The following UNC13A variants were observed in gnomAD, a reference collection of about 807,000 sequenced individuals.
UNC13A encodes the protein unc-13 homolog A, also known as protein unc-13 homolog A.
Under a neutral mutation model 219.7 loss-of-function variants are expected in UNC13A, and 61 were observed. The ratio of observed to expected loss-of-function variants is 0.28; its 90% CI spans 0.23 to 0.34. The LOEUF (loss-of-function observed/expected upper bound fraction) is 0.34, where lower values mean the gene tolerates loss of function less well. UNC13A is among the 10% of genes least tolerant of loss of function. The pLI is 1.00. For synonymous variants in UNC13A, 920 were observed against 884.6 expected (o/e 1.04, Z -0.71); for missense variants, 1,476 against 2,270.3 (o/e 0.65, Z 7.11).
At position 17,674,597 on chromosome 19, in the gene UNC13A, G is replaced by T; in HGVS notation, c.152+60C>A. ...CCCAGTGTCCAGCTCTGCCCTGAGG[G>T]GCCAGCGAGGTGCTGGGCTATGCCA... On this transcript the variant is annotated intron_variant, in intron 3 of 43. Transcript: ENST00000519716. This position sits in a 1 kb window ranked among gnomAD's most constrained non-coding sequence, Gnocchi z 5.0. The T allele has an allele frequency of 6.7e-7, 1 of 1,498,124 alleles. No homozygotes were observed. Among genetic ancestry groups the T allele is most frequent in the Non-Finnish European group, 9.3e-7 (1 of 1,079,768 alleles). 92.8% of individuals were successfully genotyped at this position (1,498,124 alleles called of 1,614,324 possible).
At chr19:17,612,715 G>A (rs1025609404) in intron 41 of UNC13A, among the ~76,000 whole-genome samples, 12 of 152,074 alleles carry the variant, frequency 7.9e-5, no homozygotes, top group African/African-American at 2.7e-4. Context: ...ATGGTGGGGC[G>A]TGCTTGTAGC....
At chr19:17,658,011 T>C in intron 9 of UNC13A, 51 bp downstream of exon 9, 2 of 1,579,686 alleles carry the variant, frequency 1.3e-6, no homozygotes, top group Non-Finnish European at 1.7e-6. Context: ...CTCTCTCCAC[T>C]CCAGGAGACA....
chr19:17,630,079 A>G, intron 30 of UNC13A, 66 bp downstream of exon 30: 8 of 1,511,030 alleles, frequency 5.3e-6, no homozygotes, highest in Non-Finnish European at 7.1e-6. Flanking sequence ...CCCATCTCCA[A>G]CTCAGACTTC....
intron 41 of UNC13A, among the ~76,000 whole-genome samples, chr19:17,615,916 G>A (rs896421949): frequency 2.6e-5 from 4 of 152,176 alleles, no homozygotes; most frequent in African/African-American, 7.2e-5. Flanking sequence ...AGGCTGCAGT[G>A]AGCAGTGATT....
chr19:17,667,674 C>T (rs1430770478), intron 6 of UNC13A, among the ~76,000 whole-genome samples: 2 of 151,592 alleles, frequency 1.3e-5, no homozygotes, highest in South Asian at 2.1e-4. Context: ...GGGGTTTCAC[C>T]GTGTTGGCCA....
chr19:17,628,327 G>A (rs1437690281), intron 31 of UNC13A: 9 of 242,472 alleles, frequency 3.7e-5, no homozygotes, highest in African/African-American at 1.6e-4. Context: ...CCCTCACCCC[G>A]AGATATACAC....
chr19:17,616,989 T>G (rs7260188), intron 41 of UNC13A, among the ~76,000 whole-genome samples: 151,717 of 152,258 alleles, frequency 1, 75,602 homozygotes, highest in Middle Eastern at 1. Context: ...CGAAGCAAAA[T>G]ACAGAGAGAA....
intron 7 of UNC13A, 51 bp from the exon 8 acceptor site, chr19:17,663,618 G>C: frequency 6.4e-7 from 1 of 1,564,552 alleles, no homozygotes; most frequent in African/African-American, 1.4e-5. Flanking sequence ...AGAGGGGTGG[G>C]TGTAGGAAGG....
intron 28 of UNC13A, among the ~76,000 whole-genome samples, chr19:17,631,218 T>TCCCTCCCTCCCTC (rs1568513431): frequency 4.4e-4 from 13 of 29,494 alleles, no homozygotes; most frequent in Middle Eastern, 0.017. Flanking sequence ...CTTCCTTCCT[T>TCCCTCCCTCCCTC]CCTTCTTCCT....
At chr19:17,645,911 C>T in intron 18 of UNC13A, 59 bp downstream of exon 18, 1 of 1,597,478 alleles carries the variant, frequency 6.3e-7, no homozygotes, top group African/African-American at 1.3e-5. Context: ...TTGGAGCCCT[C>T]TTTTGGCTGC....
Position 17,627,997 on chromosome 19 carries a change from C to T in UNC13A, c.3754-57G>A. 6.6e-7 allele frequency: 1 copy of T among 1,511,514 alleles called. No individual in the cohort carries two copies. The highest frequency in any genetic ancestry group is 9.0e-7 in the Non-Finnish European group (1 of 1,107,366). 93.6% of individuals were successfully genotyped at this position (1,511,514 alleles called of 1,614,324 possible). A position where few individuals can be genotyped will look rare whatever the true frequency, so the allele number is the denominator to read the frequency against. ...CTCAGGACCTCTCCCCAGAGCCTCC[C>T]CTACCCACCGCCAGGGACCTTGGGA... On this transcript the variant is annotated intron_variant, in intron 31 of 43. Coordinates refer to ENST00000519716, the MANE Select transcript of UNC13A (RefSeq NM_001080421.3). This position sits in a 1 kb window ranked among gnomAD's most constrained non-coding sequence, Gnocchi z 4.7.
rs1246393832 is a variant in UNC13A, at chr19:17,604,816, T to C, written c.*1238A>G. 1 of 152,262 alleles carries C rather than the reference T, an allele frequency of 6.6e-6. No homozygotes were observed. The highest frequency in any genetic ancestry group is 1.9e-4 in the East Asian group (1 of 5,206). The allele number at this position is 152,262 out of a possible 1,614,324, so 9.4% of individuals were successfully genotyped here. On this transcript the variant is annotated 3_prime_UTR_variant, in exon 44 of 44. Coordinates refer to ENST00000519716, the MANE Select transcript of UNC13A (RefSeq NM_001080421.3). ...TGGCTTGGGTGTTTGAATCAATGAA[T>C]AGGCTCTTGGAGACTAAGCTCTCAC...
At chr19:17,670,083 A>G (rs1599404498) in intron 4 of UNC13A, among the ~76,000 whole-genome samples, 1 of 150,866 alleles carries the variant, frequency 6.6e-6, no homozygotes, top group Middle Eastern at 3.4e-3. Context: ...AGTAGCTGGG[A>G]CTACAGGCAC....
chr19:17,630,295 G>A lies in UNC13A; in HGVS notation c.3526-7C>T. Reference sequence around the variant, plus strand: ...GCTCTGAGGTCTGCTGGAACTGCAGGGGGAAGGAGGCCAAGAGGAAGGAGG... The same window carrying A: ...GCTCTGAGGTCTGCTGGAACTGCAGAGGGAAGGAGGCCAAGAGGAAGGAGG... On this transcript the variant is annotated splice_region_variant and splice_polypyrimidine_tract_variant and intron_variant, in intron 29 of 43. Transcript: ENST00000519716. 1.3e-6 allele frequency: 2 copies of A among 1,560,888 alleles called. No homozygotes were observed. Among genetic ancestry groups the A allele is most frequent in the Non-Finnish European group, 8.7e-7 (1 of 1,152,288 alleles).
intron 17 of UNC13A, 53 bp from the exon 18 acceptor site, chr19:17,646,164 TG>T: frequency 1.2e-6 from 2 of 1,604,108 alleles, no homozygotes; most frequent in Admixed American, 3.4e-5. Context: ...CGAGGCATGC[TG>T]GGGACAGTCA....
chr19:17,614,856 C>T (rs1386027377), intron 41 of UNC13A, among the ~76,000 whole-genome samples: 1 of 152,172 alleles, frequency 6.6e-6, no homozygotes, highest in African/African-American at 2.4e-5. Context: ...TGCTTCATAG[C>T]AAGCTCAATC....
chr19:17,605,861 C>T lies in UNC13A; in HGVS notation c.*193G>A. On this transcript the variant is annotated 3_prime_UTR_variant, in exon 44 of 44. Transcript: ENST00000519716. ...CGTCGCGCCCTTGGGCGTGGCCTCC[C>T]GAGAGGGCGGGGCATCCTCCATTCC... 2 of 556,392 alleles carry T rather than the reference C, an allele frequency of 3.6e-6. No homozygotes were observed. The highest frequency in any genetic ancestry group is 3.7e-5 in the East Asian group (1 of 27,376). The allele number at this position is 556,392 out of a possible 1,614,324, so 34.5% of individuals were successfully genotyped here. A position where few individuals can be genotyped will look rare whatever the true frequency, so the allele number is the denominator to read the frequency against.
chr19:17,612,456 A>T (rs1460826286), intron 41 of UNC13A, among the ~76,000 whole-genome samples: 1 of 152,148 alleles, frequency 6.6e-6, no homozygotes, highest in African/African-American at 2.4e-5. Context: ...ACCTGCCCCC[A>T]GCATCCCATG....
intron 29 of UNC13A, 119 bp from the exon 30 acceptor site, chr19:17,630,407 C>T: frequency 2.7e-6 from 4 of 1,466,462 alleles, no homozygotes; most frequent in Non-Finnish European, 3.7e-6. Context: ...GTGAGATGGA[C>T]AGAGGGCGAG....
Sources: allele counts gnomAD v4.1 joint callset (sites outside exome capture counted in the v4.1 genomes callset), GRCh38; gene constraint gnomAD v4.1.1; non-coding constraint Gnocchi (gnomAD v3.1); transcripts MANE v1.5; gene names NCBI Gene and HGNC (gene_info 2026-07-23, HGNC 2026-07-21).